ADAM20: variants seen among roughly 807,000 people sequenced by gnomAD.
The protein encoded by ADAM20 is ADAM metallopeptidase domain 20.
For missense variants in ADAM20, 871 were observed against 883.2 expected (o/e 0.99, Z 0.18); for synonymous variants, 305 against 310.2 (o/e 0.98, Z 0.18).
the ADAM20 span, among the ~76,000 whole-genome samples, chr14:70,558,786 T>A: frequency 6.6e-6 from 1 of 151,786 alleles, no homozygotes; most frequent in Non-Finnish European, 1.5e-5. Context: ...AACAAAAAAC[T>A]AAGCATTTGA....
At chr14:70,567,685 C>G in the ADAM20 span, among the ~76,000 whole-genome samples, 1 of 152,136 alleles carries the variant, frequency 6.6e-6, no homozygotes, top group Non-Finnish European at 1.5e-5. Context: ...AGAATGGCAG[C>G]ATCCCAGCAA....
the ADAM20 span, among the ~76,000 whole-genome samples, chr14:70,561,404 T>C: frequency 6.6e-6 from 1 of 152,208 alleles, no homozygotes; most frequent in African/African-American, 2.4e-5. Flanking sequence ...AAGCAGACCA[T>C]AAAAGTTTAG....
rs538562888 is a variant in ADAM20 at position 70,524,152 on chromosome 14, C to T, written c.606G>A (p.Trp202Ter). 7 of 1,613,858 alleles carry T rather than the reference C, an allele frequency of 4.3e-6. No individual in the cohort carries two copies. In the African/African-American group the frequency reaches 5.3e-5, roughly 12 times the overall value. ...GCTCAACAAACCGCTGATGGGTCCACCAGCCCACAAAAGAACTTTGCTTCA... is the reference window on the plus strand; with the variant it reads ...GCTCAACAAACCGCTGATGGGTCCATCAGCCCACAAAAGAACTTTGCTTCA... ...FTLKQSSFVG[W>*]WTHQRFVELV... Residue 202 changes from tryptophan (W) to a stop codon, truncating the protein, a stop_gained, in exon 2 of 2, where the codon TGG (tryptophan) becomes TGA (stop). Coordinates refer to ENST00000256389, the MANE Select transcript of ADAM20 (RefSeq NM_003814.5). LOFTEE classifies it low-confidence loss of function (END_TRUNC).
At chr14:70,563,138 T>C in the ADAM20 span, among the ~76,000 whole-genome samples, 1 of 152,170 alleles carries the variant, frequency 6.6e-6, no homozygotes, top group African/African-American at 2.4e-5. Flanking sequence ...TTGAGTCACA[T>C]GACCATAACT....
the ADAM20 span, among the ~76,000 whole-genome samples, chr14:70,578,560 G>T: frequency 6.6e-6 from 1 of 152,140 alleles, no homozygotes; most frequent in Non-Finnish European, 1.5e-5. Flanking sequence ...CAGACAACCT[G>T]CAGACTGGGA....
At chr14:70,560,782 A>G in the ADAM20 span, among the ~76,000 whole-genome samples, 1 of 152,072 alleles carries the variant, frequency 6.6e-6, no homozygotes, top group Non-Finnish European at 1.5e-5. Context: ...TTCCACCATG[A>G]TTGTAAGTTT....
At chr14:70,536,541 G>T (rs942504715), upstream of ADAM20, among the ~76,000 whole-genome samples, 6 of 113,010 alleles carry the variant, frequency 5.3e-5, no homozygotes, top group East Asian at 2.4e-4. Context: ...AATTTAAAAA[G>T]AAAATTATAT....
the ADAM20 span, among the ~76,000 whole-genome samples, chr14:70,576,438 TA>T: frequency 6.6e-6 from 1 of 152,130 alleles, no homozygotes; most frequent in South Asian, 2.1e-4. Flanking sequence ...AAATTTTTTT[TA>T]AAAAATCTGA....
At chr14:70,547,402 C>A in the ADAM20 span, 1 of 148,600 alleles carries the variant, frequency 6.7e-6, no homozygotes, top group East Asian at 2.0e-4. Flanking sequence ...CCGGGTTCAT[C>A]TCACTAGGGA....
At chr14:70,577,470 G>A in the ADAM20 span, among the ~76,000 whole-genome samples, 1 of 152,184 alleles carries the variant, frequency 6.6e-6, no homozygotes, top group Non-Finnish European at 1.5e-5. Context: ...GTCTGCCACA[G>A]TGGAGTAACT....
chr14:70,567,627 T>C, the ADAM20 span, among the ~76,000 whole-genome samples: 4 of 152,106 alleles, frequency 2.6e-5, no homozygotes, highest in African/African-American at 9.7e-5. Context: ...AAGCCCATGC[T>C]GCATGGGGTT....
At chr14:70,546,749 A>T in the ADAM20 span, among the ~76,000 whole-genome samples, 3 of 152,218 alleles carry the variant, frequency 2.0e-5, no homozygotes, top group African/African-American at 7.2e-5. Context: ...ATCTTAAAGA[A>T]CTAGAAAAGC....
In ADAM20 at chr14:70,522,783, C is replaced by T. The variant is rs765439203; in HGVS notation, c.1975G>A (p.Ala659Thr). ...CCTTTGTCCTTGCAGTATGGGGGTG[C>T]CCATTCATGGTTGCAGTGACAGTGT... ...KQHCHCNHEW[A>T]PPYCKDKGYG... The change falls in exon 2 of 2, where the codon GCA becomes ACA. Residue 659 changes from alanine (A) to threonine (T), a missense_variant. Transcript: ENST00000256389. 4 of 1,614,016 alleles carry T rather than the reference C, an allele frequency of 2.5e-6. No homozygotes were observed. Among genetic ancestry groups the T allele is most frequent in the Non-Finnish European group, 3.4e-6 (4 of 1,179,944 alleles).
At chr14:70,574,497 G>A in the ADAM20 span, among the ~76,000 whole-genome samples, 3 of 152,012 alleles carry the variant, frequency 2.0e-5, no homozygotes, top group Non-Finnish European at 2.9e-5. Context: ...AAAATTAGCC[G>A]GGCATGGTGG....
At chr14:70,577,267 T>C in the ADAM20 span, among the ~76,000 whole-genome samples, 1 of 152,078 alleles carries the variant, frequency 6.6e-6, no homozygotes, top group Non-Finnish European at 1.5e-5. Context: ...CATAAAAAAA[T>C]AATATCATGA....
chr14:70,565,081 AT>A, the ADAM20 span, among the ~76,000 whole-genome samples: 13 of 151,324 alleles, frequency 8.6e-5, no homozygotes, highest in South Asian at 2.5e-3. Flanking sequence ...AATAAATATA[AT>A]TAAATTTTTA....
the ADAM20 span, among the ~76,000 whole-genome samples, chr14:70,543,568 T>C: frequency 6.6e-6 from 1 of 152,160 alleles, no homozygotes; most frequent in Admixed American, 6.5e-5. Flanking sequence ...AACAACCAAA[T>C]AGATTATTGG....
chr14:70,565,318 C>T, the ADAM20 span, among the ~76,000 whole-genome samples: 2 of 151,140 alleles, frequency 1.3e-5, no homozygotes, highest in East Asian at 1.9e-4. Context: ...TTATGGAAGG[C>T]CCAGAGGAGA....
chr14:70,578,473 A>T, the ADAM20 span, among the ~76,000 whole-genome samples: 4 of 152,142 alleles, frequency 2.6e-5, no homozygotes, highest in African/African-American at 9.7e-5. Context: ...CAAATGCAAC[A>T]AAAACAAAAA....
Sources: gnomAD v4.1 joint callset for allele counts (sites outside exome capture counted in the v4.1 genomes callset) on GRCh38, gnomAD v4.1.1 for gene constraint, MANE v1.5 for transcripts, NCBI Gene and HGNC (gene_info 2026-07-23, HGNC 2026-07-21) for gene names.